Variants in SOX5 observed in about 807,000 individuals in gnomAD.
SOX5 encodes the protein transcription factor SOX-5.
A neutral mutation model predicts 92.0 loss-of-function variants in SOX5; 9 were observed. The observed-to-expected ratio is 0.10, with a 90% CI of 0.06 to 0.17. SOX5 has a LOEUF of 0.17. Among genes scored for constraint, SOX5 ranks in the 10% least tolerant of loss-of-function variants. The probability of loss-of-function intolerance (pLI) is 1.00; values close to 1 mark genes in which losing one functional copy is unlikely to be tolerated. For synonymous variants in SOX5, 344 were observed against 336.3 expected (o/e 1.02, Z -0.25); for missense variants, 642 against 944.5 (o/e 0.68, Z 4.20).
chr12:24,085,261 G>A (rs1389568818), intron 4 of SOX5, among the ~76,000 whole-genome samples: 3 of 152,136 alleles, frequency 2.0e-5, no homozygotes, highest in Middle Eastern at 3.4e-3. Flanking sequence ...GAATACCTTT[G>A]GGCCATCTGA....
chr12:23,992,343 T>C (rs1230657127), intron 4 of SOX5, among the ~76,000 whole-genome samples: 2 of 152,270 alleles, frequency 1.3e-5, no homozygotes, highest in Admixed American at 6.5e-5. Context: ...CAAAAAAAGA[T>C]TGCTTCCCTA....
chr12:24,016,837 G>A (rs1308138950), intron 4 of SOX5, among the ~76,000 whole-genome samples: 1 of 152,124 alleles, frequency 6.6e-6, no homozygotes, highest in East Asian at 1.9e-4. Flanking sequence ...AAGGATTAGT[G>A]TGGTCATAGT....
At chr12:23,838,843 TGG>T (rs780799319) in intron 3 of SOX5, among the ~76,000 whole-genome samples, 28 of 38,156 alleles carry the variant, frequency 7.3e-4, no homozygotes, top group Admixed American at 1.0e-3. Flanking sequence ...TCTTTTTTTT[TGG>T]GGGGGGGGGG....
intron 4 of SOX5, among the ~76,000 whole-genome samples, chr12:23,998,437 A>G (rs931716264): frequency 2.0e-5 from 3 of 152,160 alleles, no homozygotes; most frequent in African/African-American, 7.2e-5. Context: ...AAGCCTTCTC[A>G]AAGACCTATG....
At chr12:24,281,324 T>C (rs1375081142) in intron 2 of SOX5, among the ~76,000 whole-genome samples, 3 of 151,568 alleles carry the variant, frequency 2.0e-5, no homozygotes, top group Non-Finnish European at 4.4e-5. Flanking sequence ...TATAATAGAC[T>C]CTACGGAAAG....
intron 4 of SOX5, among the ~76,000 whole-genome samples, chr12:23,986,746 G>T (rs761115517): frequency 3.3e-5 from 5 of 152,150 alleles, no homozygotes; most frequent in Non-Finnish European, 7.4e-5. Flanking sequence ...TTCTAAGGAT[G>T]CTTCCTTTCA....
intron 4 of SOX5, among the ~76,000 whole-genome samples, chr12:24,037,141 A>AG (rs1956121246): frequency 6.6e-6 from 1 of 152,126 alleles, no homozygotes; most frequent in Admixed American, 6.6e-5. Context: ...GGGGAGGGGG[A>AG]GGGAGAAAAT....
intron 2 of SOX5, among the ~76,000 whole-genome samples, chr12:24,333,901 T>C (rs566964409): frequency 6.2e-4 from 93 of 150,094 alleles, no homozygotes; most frequent in African/African-American, 2.0e-3. Context: ...ATAAGATTTA[T>C]TAAGAAGCTA....
chr12:23,917,863 TACA>T (rs2097434158), intron 1 of SOX5, among the ~76,000 whole-genome samples: 1 of 152,300 alleles, frequency 6.6e-6, no homozygotes, highest in African/African-American at 2.4e-5. Flanking sequence ...CATTTAAAAG[TACA>T]ACATGTTGGG....
chr12:23,593,863 G>GGA lies in SOX5; in HGVS notation c.1164+10522_1164+10523dup, dbSNP rs200042978. Among the ~76,000 whole-genome samples the GGA allele has an allele frequency of 1.3e-3, 197 of 150,956 alleles. 1 individual carries two copies. Among genetic ancestry groups the GGA allele is most frequent in the Admixed American group, 4.0e-3 (60 of 15,110 alleles). ...GGTAGAGAAGAAGGAAGAGAAAAAAGGAGAGAGAGAGAGAGGGAAGTGGGA... is the reference window on the plus strand; with the variant it reads ...GGTAGAGAAGAAGGAAGAGAAAAAAGGAGAGAGAGAGAGAGAGGGAAGTGGGA... On this transcript the variant is annotated intron_variant, in intron 9 of 14. Transcript: ENST00000451604.
chr12:23,673,194 A>G (rs1404877324), intron 6 of SOX5, among the ~76,000 whole-genome samples: 1 of 152,164 alleles, frequency 6.6e-6, no homozygotes, highest in Non-Finnish European at 1.5e-5. Context: ...TCAAATGGTA[A>G]TTATTAAAAT....
intron 2 of SOX5, among the ~76,000 whole-genome samples, chr12:23,848,232 T>A (rs1379457301): frequency 1.3e-5 from 2 of 152,086 alleles, no homozygotes; most frequent in African/African-American, 4.8e-5. Flanking sequence ...ATTGCCATAA[T>A]TGAAAATTAC....
chr12:24,281,008 GA>G (rs3031153), intron 2 of SOX5, among the ~76,000 whole-genome samples: 1,468 of 141,796 alleles, frequency 0.01, 17 homozygotes, highest in African/African-American at 0.03. Flanking sequence ...AGAGAGGAAA[GA>G]AAAAAAAAAA....
intron 2 of SOX5, among the ~76,000 whole-genome samples, chr12:24,347,238 G>A (rs896000138): frequency 2.0e-5 from 3 of 152,176 alleles, no homozygotes; most frequent in Non-Finnish European, 4.4e-5. Context: ...CATTGTATTT[G>A]CTAGTATATG....
intron 1 of SOX5, among the ~76,000 whole-genome samples, chr12:24,382,095 C>T (rs1435245205): frequency 6.6e-6 from 1 of 152,142 alleles, no homozygotes; most frequent in African/African-American, 2.4e-5. Context: ...AGCTAATATT[C>T]TTAGGGAGAT....
At chr12:24,333,430 A>C (rs1951550196) in intron 2 of SOX5, among the ~76,000 whole-genome samples, 1 of 152,094 alleles carries the variant, frequency 6.6e-6, no homozygotes, top group Non-Finnish European at 1.5e-5. Flanking sequence ...AGCCTAAACA[A>C]AATGCAGATA....
intron 4 of SOX5, among the ~76,000 whole-genome samples, chr12:24,167,708 T>C (rs923644335): frequency 1.3e-5 from 2 of 152,258 alleles, no homozygotes; most frequent in Non-Finnish European, 2.9e-5. Flanking sequence ...ATTCTAAACA[T>C]TTATTTTGTT....
At chr12:24,255,833 T>C (rs1357492971) in intron 3 of SOX5, among the ~76,000 whole-genome samples, 2 of 152,200 alleles carry the variant, frequency 1.3e-5, no homozygotes, top group Admixed American at 1.3e-4. Context: ...CATACTTCAA[T>C]TTAAAATAAT....
chr12:23,922,115 A>T (rs1938470539), intron 1 of SOX5, among the ~76,000 whole-genome samples: 1 of 152,130 alleles, frequency 6.6e-6, no homozygotes. Flanking sequence ...ACTATAAACC[A>T]GCTAGTGTGT....
Sources: gnomAD v4.1 joint callset for allele counts (sites outside exome capture counted in the v4.1 genomes callset) on GRCh38, gnomAD v4.1.1 for gene constraint, MANE v1.5 for transcripts, NCBI Gene and HGNC (gene_info 2026-07-23, HGNC 2026-07-21) for gene names.